The following PCDH15 variants were observed in gnomAD, a reference collection of about 807,000 sequenced individuals.
PCDH15 encodes the protein protocadherin related 15, also known as protocadherin-15.
A neutral mutation model predicts 178.5 loss-of-function variants in PCDH15; 129 were observed. The ratio of observed to expected loss-of-function variants is 0.72; its 90% CI spans 0.63 to 0.84. The LOEUF is 0.84. Among genes scored for constraint, PCDH15 ranks in the 40% least tolerant of loss-of-function variants. The probability of loss-of-function intolerance (pLI) is 0.00; values close to 1 mark genes in which losing one functional copy is unlikely to be tolerated. For missense variants in PCDH15, 2,230 were observed against 2,099.9 expected, an observed-to-expected ratio of 1.06 and a Z score of -1.21; for synonymous variants, 800 against 732.0, an observed-to-expected ratio of 1.09 and a Z score of -1.50.
intron 8 of PCDH15, among the ~76,000 whole-genome samples, chr10:54,242,153 T>C (rs1184382846): frequency 2.3e-4 from 21 of 90,498 alleles, no homozygotes; most frequent in African/African-American, 1.1e-3. Flanking sequence ...TATATATATA[T>C]ATATATATAT....
chr10:55,075,393 G>A (rs970938122), intron 2 of PCDH15, among the ~76,000 whole-genome samples: 4 of 138,134 alleles, frequency 2.9e-5, no homozygotes, highest in Non-Finnish European at 4.6e-5. Flanking sequence ...TTGAGATGGA[G>A]TCTTGCTCAG....
intron 18 of PCDH15, among the ~76,000 whole-genome samples, chr10:54,045,994 C>T: frequency 6.6e-6 from 1 of 151,978 alleles, no homozygotes; most frequent in Non-Finnish European, 1.5e-5. Context: ...AAAGAACATT[C>T]AAGAAGAAAA....
At chr10:54,926,074 G>C (rs1837617323) in intron 2 of PCDH15, among the ~76,000 whole-genome samples, 1 of 152,134 alleles carries the variant, frequency 6.6e-6, no homozygotes, top group Middle Eastern at 3.4e-3. Context: ...GTATGATGTT[G>C]GCTGTGGGTT....
At chr10:54,669,989 G>A (rs760472589) in intron 1 of PCDH15, among the ~76,000 whole-genome samples, 1 of 151,976 alleles carries the variant, frequency 6.6e-6, no homozygotes, top group Non-Finnish European at 1.5e-5. Context: ...AGGAAGCAGA[G>A]GTTGCAGTGG....
chr10:55,495,146 A>G (rs1158678863), intron 2 of PCDH15, among the ~76,000 whole-genome samples: 2 of 151,642 alleles, frequency 1.3e-5, no homozygotes, highest in Non-Finnish European at 2.9e-5. Flanking sequence ...AAACCACAAA[A>G]CTCTTACAGG....
At chr10:54,356,371 T>G (rs1222780996) in intron 5 of PCDH15, among the ~76,000 whole-genome samples, 2 of 151,874 alleles carry the variant, frequency 1.3e-5, no homozygotes, top group African/African-American at 4.8e-5. Flanking sequence ...AAATTGAGAC[T>G]AAAAAAATTG....
chr10:55,199,681 C>T (rs567805330), intron 1 of PCDH15, among the ~76,000 whole-genome samples: 5 of 152,170 alleles, frequency 3.3e-5, no homozygotes, highest in African/African-American at 1.2e-4. Flanking sequence ...GACCTGGGGA[C>T]CTAGGAGAGA....
At chr10:54,526,473 A>G (rs1269071955) in intron 3 of PCDH15, among the ~76,000 whole-genome samples, 2 of 152,220 alleles carry the variant, frequency 1.3e-5, no homozygotes, top group Non-Finnish European at 2.9e-5. Flanking sequence ...ATAGTTAGCC[A>G]TAAGGAAGCC....
At chr10:55,131,510 C>T (rs138376838) in intron 2 of PCDH15, among the ~76,000 whole-genome samples, 50 of 152,264 alleles carry the variant, frequency 3.3e-4, no homozygotes, top group African/African-American at 1.1e-3. Context: ...CTCTTTCAGT[C>T]CTGCTGTATG....
intron 12 of PCDH15, among the ~76,000 whole-genome samples, chr10:54,184,761 A>G (rs916479883): frequency 2.6e-5 from 4 of 152,256 alleles, no homozygotes; most frequent in African/African-American, 4.8e-5. Flanking sequence ...CCTCTTGAGA[A>G]TCACTGGCTC....
intron 2 of PCDH15, among the ~76,000 whole-genome samples, chr10:54,930,664 A>C (rs1038992945): frequency 1.7e-4 from 26 of 152,168 alleles, no homozygotes; most frequent in African/African-American, 5.3e-4. Context: ...TTATAGAAAT[A>C]ATAAACCTTG....
intron 13 of PCDH15, among the ~76,000 whole-genome samples, chr10:54,168,140 C>A (rs1335828834): frequency 2.6e-5 from 4 of 151,930 alleles, no homozygotes; most frequent in African/African-American, 9.7e-5. Flanking sequence ...CGCTTGACCC[C>A]AATACAAACT....
intron 1 of PCDH15, among the ~76,000 whole-genome samples, chr10:54,712,951 T>C (rs994518965): frequency 5.3e-5 from 8 of 152,176 alleles, no homozygotes; most frequent in Non-Finnish European, 8.8e-5. Flanking sequence ...AAGAGATGTA[T>C]GATAGAAAAC....
At chr10:55,091,574 T>C (rs535180120) in intron 2 of PCDH15, among the ~76,000 whole-genome samples, 43 of 152,042 alleles carry the variant, frequency 2.8e-4, no homozygotes, top group African/African-American at 1.0e-3. Context: ...AACAACTTCA[T>C]CTCTAATGAC....
chr10:53,845,929 T>G (rs2077942608), intron 28 of PCDH15, among the ~76,000 whole-genome samples: 2 of 151,662 alleles, frequency 1.3e-5, no homozygotes, highest in Admixed American at 1.3e-4. Flanking sequence ...CCAATTATGC[T>G]GATTTATCAG....
chr10:54,395,079 G>C (rs577666497), intron 3 of PCDH15, among the ~76,000 whole-genome samples: 2 of 152,012 alleles, frequency 1.3e-5, no homozygotes, highest in South Asian at 2.1e-4. Context: ...ATTATTACAG[G>C]GTCCTGAGGC....
intron 2 of PCDH15, among the ~76,000 whole-genome samples, chr10:55,541,523 C>T (rs1239255839): frequency 6.6e-6 from 1 of 151,806 alleles, no homozygotes; most frequent in African/African-American, 2.4e-5. Context: ...TGATTGTATA[C>T]ATTTTCTTTA....
At chr10:54,422,785 A>G (rs891821455) in intron 3 of PCDH15, among the ~76,000 whole-genome samples, 10 of 152,186 alleles carry the variant, frequency 6.6e-5, no homozygotes, top group Non-Finnish European at 1.2e-4. Flanking sequence ...AAGTTTCTAC[A>G]CTTGATTTTG....
chr10:55,423,788 C>G (rs1565124179), intron 2 of PCDH15, among the ~76,000 whole-genome samples: 1 of 152,162 alleles, frequency 6.6e-6, no homozygotes, highest in East Asian at 1.9e-4. Context: ...AAGCAAGATA[C>G]TTATCAAACC....
Sources: gnomAD v4.1 joint callset for allele counts (sites outside exome capture counted in the v4.1 genomes callset) on GRCh38, gnomAD v4.1.1 for gene constraint, MANE v1.5 for transcripts, NCBI Gene and HGNC (gene_info 2026-07-23, HGNC 2026-07-21) for gene names.